Variants in SMARCA2 observed in about 807,000 individuals in gnomAD.
The protein encoded by SMARCA2 is SWI/SNF related BAF chromatin remodeling complex subunit ATPase 2, also known as SWI/SNF-related matrix-associated actin-dependent regulator of chromatin subfamily A member 2.
Under a neutral mutation model 199.8 loss-of-function variants are expected in SMARCA2, and 61 were observed. The observed-to-expected ratio is 0.31, with a 90% CI of 0.25 to 0.38. The LOEUF (loss-of-function observed/expected upper bound fraction) is 0.38. Among genes scored for constraint, SMARCA2 ranks in the 10% least tolerant of loss-of-function variants. SMARCA2 has a pLI of 1.00. For synonymous variants in SMARCA2, 935 were observed against 732.0 expected, an observed-to-expected ratio of 1.28 and a Z score of -4.48; for missense variants, 1,344 against 2,012.2, an observed-to-expected ratio of 0.67 and a Z score of 6.35.
Position 2,039,975 on chromosome 9 carries a change from G to C in SMARCA2, c.790+75G>C, listed in dbSNP as rs1819533106. ...ACAAAGACTGCTCACCAAAACACCG[G>C]GTTGTTAAAAGCCCGGGGCTGACGT... On this transcript the variant is annotated intron_variant, in intron 4 of 33. Coordinates refer to ENST00000349721, the MANE Select transcript of SMARCA2 (RefSeq NM_003070.5). This position sits in a 1 kb window ranked among gnomAD's most constrained non-coding sequence, Gnocchi z 4.8. 3.8e-6 allele frequency: 6 copies of C among 1,577,250 alleles called. No individual in the cohort carries two copies. In the Admixed American group the frequency reaches 8.6e-5, roughly 22 times the overall value.
chr9:2,052,351 A>T (rs1008142540), intron 5 of SMARCA2, among the ~76,000 whole-genome samples: 1 of 152,154 alleles, frequency 6.6e-6, no homozygotes, highest in African/African-American at 2.4e-5. Context: ...GCACGTGCCT[A>T]TAGCCCCAGC....
chr9:2,171,498 G>A (rs902815744), intron 29 of SMARCA2, among the ~76,000 whole-genome samples: 7 of 152,198 alleles, frequency 4.6e-5, no homozygotes, highest in African/African-American at 1.4e-4. Flanking sequence ...AGATGAAACT[G>A]TCGGGCAAGA....
chr9:2,032,908 T>A, intron 2 of SMARCA2, 44 bp from the exon 3 acceptor site: 1 of 1,573,208 alleles, frequency 6.4e-7, no homozygotes, highest in Non-Finnish European at 8.7e-7. Context: ...TAGAAATATT[T>A]TACCTTATAG....
chr9:2,064,274 C>A (rs1232956545), intron 9 of SMARCA2, among the ~76,000 whole-genome samples: 1 of 152,104 alleles, frequency 6.6e-6, no homozygotes, highest in Non-Finnish European at 1.5e-5. Flanking sequence ...TACTAATTTG[C>A]TATTATTCTC....
In SMARCA2 at chr9:2,161,811, C is replaced by T. The variant is rs749193780; in HGVS notation, c.4107C>T (p.Gly1369=). 3 of 1,613,982 alleles carry T rather than the reference C, an allele frequency of 1.9e-6. No individual in the cohort carries two copies. Among genetic ancestry groups the T allele is most frequent in the East Asian group, 2.2e-5 (1 of 44,870 alleles). ...TGGAAAAAGCTAAGAAGAGAAGAGG[C>T]CGCCCTCCCGCTGAGAAACTGTCAC... ...EDVEKAKKRR[G]RPPAEKLSPN... The change falls in exon 28 of 34, where the codon GGC becomes GGT. Residue 1369 remains glycine, a synonymous_variant. Transcript: ENST00000349721. The surrounding 1 kb of genome is among the most constrained non-coding windows in gnomAD (Gnocchi z 4.7).
chr9:2,146,707 A>T (rs1361775028), intron 27 of SMARCA2, among the ~76,000 whole-genome samples: 1 of 152,152 alleles, frequency 6.6e-6, no homozygotes, highest in Non-Finnish European at 1.5e-5. Flanking sequence ...TTTTGATGAT[A>T]TGCTAAATAA....
At chr9:2,131,991 A>G (rs553327355) in intron 27 of SMARCA2, among the ~76,000 whole-genome samples, 1 of 152,040 alleles carries the variant, frequency 6.6e-6, no homozygotes, top group Non-Finnish European at 1.5e-5. Flanking sequence ...GGTGCTAATC[A>G]GTAAGGTAAA....
chr9:2,114,015 G>A (rs1823117438), intron 24 of SMARCA2, among the ~76,000 whole-genome samples: 1 of 147,094 alleles, frequency 6.8e-6, no homozygotes, highest in African/African-American at 2.4e-5. Flanking sequence ...AGCATAGAAC[G>A]TTTACTATTG....
intron 1 of SMARCA2, among the ~76,000 whole-genome samples, chr9:2,021,296 C>T (rs1222510430): frequency 1.3e-5 from 2 of 151,952 alleles, no homozygotes; most frequent in Non-Finnish European, 1.5e-5. Context: ...AAACTCCCTC[C>T]TTTAAAAAAA....
chr9:2,102,132 A>AGTGTGT lies in SMARCA2; in HGVS notation c.3125+544_3125+549dup, dbSNP rs71327397. 1.1e-3 allele frequency among the ~76,000 whole-genome samples: 169 copies of AGTGTGT among 148,112 alleles called. 1 individual carries two copies. Among genetic ancestry groups the AGTGTGT allele is most frequent in the Middle Eastern group, 7.0e-3 (2 of 286 alleles). On this transcript the variant is annotated intron_variant, in intron 22 of 33. Coordinates refer to ENST00000349721, the MANE Select transcript of SMARCA2 (RefSeq NM_003070.5). ...AAAAATGAACACTGCATTAACAGAA[A>AGTGTGT]GTGTGTGTGTGTGTGTGTGTGTGTG...
intron 25 of SMARCA2, among the ~76,000 whole-genome samples, chr9:2,117,375 A>G (rs1823259278): frequency 6.6e-6 from 1 of 152,200 alleles, no homozygotes. Flanking sequence ...ATGCACATGC[A>G]CTCACTATCC....
intron 27 of SMARCA2, chr9:2,159,683 C>A: frequency 1.7e-6 from 2 of 1,185,994 alleles, no homozygotes; most frequent in Non-Finnish European, 1.2e-6. Flanking sequence ...GCCTTCGGGC[C>A]TTGTAGTAGG....
intron 26 of SMARCA2, among the ~76,000 whole-genome samples, chr9:2,122,084 A>G (rs1823485298): frequency 6.6e-6 from 1 of 152,250 alleles, no homozygotes; most frequent in Non-Finnish European, 1.5e-5. Context: ...CTTTAAGCTT[A>G]TCTTATGTAA....
intron 27 of SMARCA2, among the ~76,000 whole-genome samples, chr9:2,148,950 G>A (rs534431858): frequency 6.6e-6 from 1 of 151,654 alleles, no homozygotes; most frequent in East Asian, 1.9e-4. Context: ...TTTCAGCCAT[G>A]TATTACCAGC....
At chr9:2,176,959 C>A (rs1826654001) in intron 29 of SMARCA2, among the ~76,000 whole-genome samples, 1 of 152,146 alleles carries the variant, frequency 6.6e-6, no homozygotes, top group Non-Finnish European at 1.5e-5. Flanking sequence ...GATGATATTT[C>A]CAAACTTGTT....
Position 2,056,546 on chromosome 9 carries a change from G to C in SMARCA2, c.1174-126G>C. 1 of 763,488 alleles carries C rather than the reference G, an allele frequency of 1.3e-6. No individual in the cohort carries two copies. The highest frequency in any genetic ancestry group is 1.8e-5 in the African/African-American group (1 of 56,650). 47.3% of individuals were successfully genotyped at this position (763,488 alleles called of 1,614,324 possible). On this transcript the variant is annotated intron_variant, in intron 6 of 33. Transcript: ENST00000349721. This position sits in a 1 kb window ranked among gnomAD's most constrained non-coding sequence, Gnocchi z 4.0. ...TTCCTTCATTTAATACAAACCAAAG[G>C]TGATTGAGAAGCTTGTGGAGATTCC...
At chr9:2,074,060 A>C (rs1167199585) in intron 12 of SMARCA2, among the ~76,000 whole-genome samples, 1 of 152,144 alleles carries the variant, frequency 6.6e-6, no homozygotes, top group African/African-American at 2.4e-5. Flanking sequence ...ACTTTGACAA[A>C]AAGGGCAACG....
chr9:2,069,332 G>A (rs1407996095), intron 9 of SMARCA2, among the ~76,000 whole-genome samples: 8 of 151,576 alleles, frequency 5.3e-5, no homozygotes, highest in Admixed American at 1.3e-4. Flanking sequence ...CGAGGCAGGC[G>A]GATCACGAGG....
Position 2,104,209 on chromosome 9 carries a change from G to A in SMARCA2, c.3292+40G>A, listed in dbSNP as rs772529666. The A allele has an allele frequency of 6.4e-7, 1 of 1,560,596 alleles. No individual in the cohort carries two copies. Among genetic ancestry groups the A allele is most frequent in the East Asian group, 2.3e-5 (1 of 43,890 alleles). ...CATTAGGCTCGGAAGCCATACTACT[G>A]AAAATGAAGGGATAATGGGCACTTA... On this transcript the variant is annotated intron_variant, in intron 23 of 33. Coordinates refer to ENST00000349721, the MANE Select transcript of SMARCA2 (RefSeq NM_003070.5). The surrounding 1 kb of genome is among the most constrained non-coding windows in gnomAD (Gnocchi z 4.0).
Sources: gnomAD v4.1 joint callset for allele counts (sites outside exome capture counted in the v4.1 genomes callset) on GRCh38, gnomAD v4.1.1 for gene constraint, Gnocchi (gnomAD v3.1) non-coding constraint, MANE v1.5 for transcripts, NCBI Gene and HGNC (gene_info 2026-07-23, HGNC 2026-07-21) for gene names.